Variants in ADGRF3 observed in about 807,000 individuals in gnomAD.
ADGRF3 encodes adhesion G protein-coupled receptor F3.
In ADGRF3, 85 loss-of-function variants were observed where a neutral mutation model predicts 93.2. The ratio of observed to expected loss-of-function variants is 0.91; its 90% confidence interval spans 0.77 to 1.09. The LOEUF (loss-of-function observed/expected upper bound fraction) is 1.09. Ranked by LOEUF, ADGRF3 falls within the 50% of genes least tolerant of loss-of-function variation. ADGRF3 has a pLI of 0.00. For synonymous variants in ADGRF3, 534 were observed against 532.5 expected, an observed-to-expected ratio of 1.00 and a Z score of -0.04; for missense variants, 1,125 against 1,246.2, an observed-to-expected ratio of 0.90 and a Z score of 1.46.
chr2:26,343,350 TAC>T (rs896567561), intron 1 of ADGRF3, among the ~76,000 whole-genome samples: 27 of 152,338 alleles, frequency 1.8e-4, no homozygotes, highest in African/African-American at 6.5e-4. Flanking sequence ...TTATATGATA[TAC>T]AGTTTCACTG....
chr2:26,345,447 G>C (rs1189617214), intron 1 of ADGRF3, among the ~76,000 whole-genome samples: 1 of 152,298 alleles, frequency 6.6e-6, no homozygotes, highest in African/African-American at 2.4e-5. Flanking sequence ...ATAGAGCGGA[G>C]TGCGATGAGG....
At chr2:26,314,293 T>C (rs1376072374) in intron 6 of ADGRF3, 121 bp downstream of exon 6, 2 of 910,708 alleles carry the variant, frequency 2.2e-6, no homozygotes, top group Non-Finnish European at 3.3e-6. Context: ...GTGTTGGCCT[T>C]GGACCCCACT....
chr2:26,339,114 C>CAAAAAAAAAAAAAA (rs61584458), intron 1 of ADGRF3, among the ~76,000 whole-genome samples: 4 of 39,672 alleles, frequency 1.0e-4, no homozygotes, highest in Non-Finnish European at 1.5e-4. Flanking sequence ...GACTCCGTCA[C>CAAAAAAAAAAAAAA]AAAAAAAAAA....
At chr2:26,318,271 G>A in intron 1 of ADGRF3, 1 of 592,388 alleles carries the variant, frequency 1.7e-6, no homozygotes, top group Non-Finnish European at 3.0e-6. Flanking sequence ...TCCAAAACCA[G>A]ATATTGATAT....
chr2:26,333,157 T>G (rs2147914973), intron 1 of ADGRF3, among the ~76,000 whole-genome samples: 1 of 152,158 alleles, frequency 6.6e-6, no homozygotes, highest in East Asian at 2.0e-4. Context: ...TTGCCTCTAC[T>G]CCAGAACCAT....
rs766622493 is a variant in ADGRF3, at chr2:26,313,116, G to C, written c.1276C>G (p.Gln426Glu). Residue 426 changes from glutamine (Q) to glutamate (E), a missense_variant, in exon 9 of 14, where the codon CAG (glutamine) becomes GAG (glutamate). Gln to Glu is a conservative substitution (Grantham distance 29). Transcript: ENST00000651242. Reference protein sequence around the residue: ...LALFTRTKLLQAGQGSPAEEV... With the variant: ...LALFTRTKLLEAGQGSPAEEV... ...TCAGCAGGACTGCCCTGGCCTGCCT[G>C]CAGCAGCTGAGACAGACGAGACAGC... 4 of 1,613,676 alleles carry C rather than the reference G, an allele frequency of 2.5e-6. No individual in the cohort carries two copies. Among genetic ancestry groups the C allele is most frequent in the Non-Finnish European group, 3.4e-6 (4 of 1,179,840 alleles).
intron 1 of ADGRF3, among the ~76,000 whole-genome samples, chr2:26,335,990 G>A (rs892393905): frequency 1.3e-5 from 2 of 152,200 alleles, no homozygotes. Context: ...TGCTGGGTAT[G>A]AGGCATTATC....
At chr2:26,330,118 A>G (rs1675676105) in intron 1 of ADGRF3, among the ~76,000 whole-genome samples, 2 of 152,234 alleles carry the variant, frequency 1.3e-5, no homozygotes, top group African/African-American at 4.8e-5. Flanking sequence ...TGATCAACCT[A>G]CTGCGGACTG....
intron 9 of ADGRF3, 91 bp from the exon 10 acceptor site, chr2:26,312,165 C>T: frequency 1.6e-6 from 2 of 1,278,202 alleles, no homozygotes; most frequent in Non-Finnish European, 2.1e-6. Flanking sequence ...CACACCTTCC[C>T]TTCCCAGTCC....
chr2:26,317,669 T>C, intron 1 of ADGRF3, 107 bp from the exon 2 acceptor site: 4 of 1,038,304 alleles, frequency 3.9e-6, no homozygotes, highest in Non-Finnish European at 5.8e-6. Context: ...AGCTCTTCTT[T>C]TTGCCAGGAG....
chr2:26,319,528 C>CCTTA (rs1674983530), intron 1 of ADGRF3, among the ~76,000 whole-genome samples: 1 of 77,076 alleles, frequency 1.3e-5, no homozygotes, highest in Admixed American at 1.4e-4. Flanking sequence ...TCCCTCCCTC[C>CCTTA]CTTCCTTCCC....
intron 1 of ADGRF3, among the ~76,000 whole-genome samples, chr2:26,336,198 G>GA (rs1676023259): frequency 6.6e-6 from 1 of 152,182 alleles, no homozygotes; most frequent in Admixed American, 6.5e-5. Context: ...AACTTAAGAT[G>GA]AATCTTGAAG....
chr2:26,341,292 C>T (rs1184921574), intron 1 of ADGRF3, among the ~76,000 whole-genome samples: 4 of 152,106 alleles, frequency 2.6e-5, no homozygotes, highest in Non-Finnish European at 4.4e-5. Flanking sequence ...GCAGGAGAAT[C>T]GCTTGAACCC....
chr2:26,344,349 G>T (rs189517913), intron 1 of ADGRF3, among the ~76,000 whole-genome samples: 2 of 152,082 alleles, frequency 1.3e-5, no homozygotes, highest in Admixed American at 1.3e-4. Flanking sequence ...TCACCATATT[G>T]TCCAGGCTGG....
chr2:26,335,288 C>CA (rs1426923518), intron 1 of ADGRF3, among the ~76,000 whole-genome samples: 1 of 152,204 alleles, frequency 6.6e-6, no homozygotes, highest in Non-Finnish European at 1.5e-5. Flanking sequence ...TGGAACCATA[C>CA]ACTATATGGC....
In ADGRF3 at chr2:26,308,403, T is replaced by A. The variant is rs1240056336; in HGVS notation, c.*683A>T. The A allele has an allele frequency of 2.0e-5, 3 of 152,120 alleles. No homozygotes were observed. The highest frequency in any genetic ancestry group is 4.4e-5 in the Non-Finnish European group (3 of 68,018). 9.4% of individuals were successfully genotyped at this position (152,120 alleles called of 1,614,324 possible). A position where few individuals can be genotyped will look rare whatever the true frequency, so the allele number is the denominator to read the frequency against. On this transcript the variant is annotated 3_prime_UTR_variant, in exon 14 of 14. Coordinates refer to ENST00000651242, the MANE Select transcript of ADGRF3 (RefSeq NM_001321971.2). ...AAGATTTTCTTCTAGTATTCATTTTTAAATATAAATTAAACTTTATTAATT... is the reference window on the plus strand; with the variant it reads ...AAGATTTTCTTCTAGTATTCATTTTAAAATATAAATTAAACTTTATTAATT...
chr2:26,317,511 C>G lies in ADGRF3; in HGVS notation c.166G>C (p.Glu56Gln). 1 of 1,591,780 alleles carries G rather than the reference C, an allele frequency of 6.3e-7. No individual in the cohort carries two copies. Among genetic ancestry groups the G allele is most frequent in the Non-Finnish European group, 8.6e-7 (1 of 1,169,514 alleles). Reference sequence around the variant, plus strand: ...ATACACTCACCCCCTGCTCCATTCTCTTGGTCCAGGAGCTGCCCAGATCCA... The same window carrying G: ...ATACACTCACCCCCTGCTCCATTCTGTTGGTCCAGGAGCTGCCCAGATCCA... ...ESGSGQLLDQ[E>Q]NGAGESALVS... The change falls in exon 2 of 14, where the codon GAG (glutamate) becomes CAG (glutamine). Residue 56 changes from glutamate (E) to glutamine (Q), a missense_variant. Transcript: ENST00000651242.
At chr2:26,309,255 T>A in intron 13 of ADGRF3, 148 bp from the exon 14 acceptor site, 11 of 1,587,082 alleles carry the variant, frequency 6.9e-6, no homozygotes, top group Non-Finnish European at 9.4e-6. Flanking sequence ...AAAAGGAATT[T>A]TCAGAGAAAC....
At chr2:26,317,087 C>T (rs1265241734) in intron 2 of ADGRF3, 32 bp from the exon 3 acceptor site, 3 of 1,578,688 alleles carry the variant, frequency 1.9e-6, no homozygotes, top group African/African-American at 1.4e-5. Flanking sequence ...CTGGAGAGGA[C>T]AGGCAGCGAG....
Sources: allele counts gnomAD v4.1 joint callset (sites outside exome capture counted in the v4.1 genomes callset), GRCh38; gene constraint gnomAD v4.1.1; transcripts MANE v1.5; gene names NCBI Gene and HGNC (gene_info 2026-07-23, HGNC 2026-07-21).